Variants in LOC122455342 observed in about 807,000 individuals in gnomAD.
At chr17:76,568,839 G>C in the LOC122455342 span, 1 of 1,597,570 alleles carries the variant, frequency 6.3e-7, no homozygotes, top group Non-Finnish European at 8.6e-7. Context: ...CAGAGCCGTC[G>C]TATTGCAAGG....
the LOC122455342 span, chr17:76,569,458 G>A: frequency 2.7e-6 from 1 of 368,912 alleles, no homozygotes. Flanking sequence ...GGGGTTCAGG[G>A]ACGAAGTCCG....
At chr17:76,569,320 G>C in the LOC122455342 span, 1 of 280,292 alleles carries the variant, frequency 3.6e-6, no homozygotes, top group Non-Finnish European at 6.3e-6. Flanking sequence ...GGAGGACTTG[G>C]GGGGCACAGC....
At chr17:76,568,866 G>A in the LOC122455342 span, 21 of 1,517,846 alleles carry the variant, frequency 1.4e-5, no homozygotes, top group Non-Finnish European at 1.8e-5. Flanking sequence ...TGGAGGGGAG[G>A]GTCAGGGCGC....
chr17:76,569,073 C>A, the LOC122455342 span: 1 of 57,492 alleles, frequency 1.7e-5, no homozygotes, highest in Non-Finnish European at 2.9e-5. Context: ...GGCAGTTAAA[C>A]TGGGGGTGGT....
At chr17:76,568,807 TGATAGAAGTGGACAG>T in the LOC122455342 span, 79 of 1,612,446 alleles carry the variant, frequency 4.9e-5, no homozygotes, top group Admixed American at 6.7e-5. Flanking sequence ...CTAGGACCCA[TGATAGAAGTGGACAG>T]AGCGCCCAGA....
At chr17:76,568,806 A>G in the LOC122455342 span, 6 of 1,612,952 alleles carry the variant, frequency 3.7e-6, no homozygotes, top group East Asian at 2.2e-5. Flanking sequence ...CCTAGGACCC[A>G]TGATAGAAGT....
At chr17:76,569,036 T>A in the LOC122455342 span, 1 of 97,850 alleles carries the variant, frequency 1.0e-5, no homozygotes, top group Non-Finnish European at 1.9e-5. Flanking sequence ...GAGGGGGGCA[T>A]GAACAGACCG....
At chr17:76,569,529 C>G in the LOC122455342 span, 1 of 363,848 alleles carries the variant, frequency 2.7e-6, no homozygotes, top group Non-Finnish European at 4.7e-6. Flanking sequence ...AGGAAGAGCC[C>G]CGAGTGGGGG....
the LOC122455342 span, chr17:76,569,539 G>A: frequency 2.6e-6 from 1 of 387,538 alleles, no homozygotes; most frequent in Non-Finnish European, 4.5e-6. Flanking sequence ...CCGAGTGGGG[G>A]AGGGGGAAGG....
the LOC122455342 span, chr17:76,568,927 C>T: frequency 1.8e-5 from 14 of 772,870 alleles, no homozygotes; most frequent in African/African-American, 5.5e-5. Flanking sequence ...GGAGTAGTAG[C>T]GGGAGAAGGG....
chr17:76,569,351 G>T, the LOC122455342 span: 1 of 392,518 alleles, frequency 2.5e-6, no homozygotes, highest in East Asian at 3.6e-5. Flanking sequence ...GAAGGGTTTC[G>T]AGAGAGGGAT....
chr17:76,569,499 A>AG, the LOC122455342 span: 26 of 75,678 alleles, frequency 3.4e-4, no homozygotes, highest in Non-Finnish European at 5.5e-4. Context: ...TTGGGGTGGG[A>AG]GGGTGGGAGG....
chr17:76,568,860 G>T, the LOC122455342 span: 2 of 1,560,586 alleles, frequency 1.3e-6, no homozygotes, highest in South Asian at 2.2e-5. Context: ...GGGAGATGGA[G>T]GGGAGGGTCA....
At chr17:76,569,395 G>T in the LOC122455342 span, 1 of 396,056 alleles carries the variant, frequency 2.5e-6, no homozygotes, top group Admixed American at 4.4e-5. Context: ...TTTGGAGGTG[G>T]GTGGGGTGGG....
At chr17:76,568,986 G>C in the LOC122455342 span, 3 of 523,194 alleles carry the variant, frequency 5.7e-6, no homozygotes, top group Admixed American at 9.2e-5. Flanking sequence ...GCGGCTTCCC[G>C]CTCACCAGGA....
chr17:76,568,883 A>T, the LOC122455342 span: 6 of 1,323,884 alleles, frequency 4.5e-6, no homozygotes, highest in Non-Finnish European at 6.5e-6. Flanking sequence ...GCGCCGGAGT[A>T]GCCGCGGTAC....
chr17:76,568,961 C>G, the LOC122455342 span: 2 of 619,990 alleles, frequency 3.2e-6, no homozygotes, highest in South Asian at 1.9e-5. Context: ...GCAGGCAGTA[C>G]GTTGGGGACC....
the LOC122455342 span, chr17:76,569,226 A>C: frequency 6.8e-6 from 2 of 294,522 alleles, no homozygotes; most frequent in Non-Finnish European, 1.2e-5. Context: ...GCTCCTTCAG[A>C]AAGCGGGGCA....
At chr17:76,568,907 A>G in the LOC122455342 span, 5 of 1,011,660 alleles carry the variant, frequency 4.9e-6, no homozygotes, top group Admixed American at 9.6e-5. Context: ...GAGCGGTAGG[A>G]GCGGGGCTGG....
Sources: allele counts gnomAD v4.1 joint callset, GRCh38; gene constraint gnomAD v4.1.1; transcripts MANE v1.5.